Variants in ATP6V1B2 observed in about 807,000 individuals in gnomAD.
ATP6V1B2 encodes the protein V-type proton ATPase subunit B, brain isoform.
A neutral mutation model predicts 66.7 loss-of-function variants in ATP6V1B2; 23 were observed. The observed-to-expected ratio is 0.34, with a 90% CI of 0.25 to 0.49. The LOEUF is 0.49. Ranked by LOEUF, ATP6V1B2 falls within the 20% of genes least tolerant of loss-of-function variation. The pLI is 0.99. For missense variants in ATP6V1B2, 478 were observed against 650.8 expected, an observed-to-expected ratio of 0.73 and a Z score of 2.89; for synonymous variants, 278 against 236.7, an observed-to-expected ratio of 1.17 and a Z score of -1.60.
chr8:20,212,155 A>C lies in ATP6V1B2; in HGVS notation c.759A>C (p.Ser253=). ...AATCTGACTTTGAAGAAAATGGCTC[A>C]ATGGACAATGTCTGCCTCTTTTTGA... ...FFKSDFEENG[S]MDNVCLFLNL... Residue 253 remains serine, a synonymous_variant, in exon 8 of 14, where the codon TCA becomes TCC. Coordinates refer to ENST00000276390, the MANE Select transcript of ATP6V1B2 (RefSeq NM_001693.4). The C allele has an allele frequency of 6.2e-7, 1 of 1,613,714 alleles. No homozygotes were observed. The highest frequency in any genetic ancestry group is 8.5e-7 in the Non-Finnish European group (1 of 1,179,788).
Position 20,210,444 on chromosome 8 carries a change from A to G in ATP6V1B2, c.385+5A>G. ...CGGTGTCTGAGGATATGCTTGGTAA[A>G]TGGATATTATTCATTCTAAGCCGAG... On this transcript the variant is annotated splice_donor_5th_base_variant and intron_variant, in intron 4 of 13. Coordinates refer to ENST00000276390, the MANE Select transcript of ATP6V1B2 (RefSeq NM_001693.4). The G allele has an allele frequency of 6.2e-7, 1 of 1,612,376 alleles. No homozygotes were observed. Among genetic ancestry groups the G allele is most frequent in the South Asian group, 1.1e-5 (1 of 91,050 alleles).
chr8:20,213,086 A>T, intron 9 of ATP6V1B2, 181 bp downstream of exon 9: 6 of 719,608 alleles, frequency 8.3e-6, no homozygotes, highest in Non-Finnish European at 1.3e-5. Flanking sequence ...AGAAGTGATT[A>T]GAGGTTAAGA....
intron 9 of ATP6V1B2, chr8:20,213,667 A>G (rs1051262517): frequency 1.3e-5 from 2 of 152,110 alleles, no homozygotes; most frequent in Non-Finnish European, 2.9e-5. Flanking sequence ...AAAGATTATA[A>G]CAGTTACCCC....
chr8:20,198,602 G>A (rs2072652549), intron 1 of ATP6V1B2, among the ~76,000 whole-genome samples: 1 of 152,148 alleles, frequency 6.6e-6, no homozygotes, highest in African/African-American at 2.4e-5. Context: ...GTTTCCCCAG[G>A]TGGTGAGACT....
intron 1 of ATP6V1B2, among the ~76,000 whole-genome samples, chr8:20,203,214 G>A (rs1486996805): frequency 1.3e-5 from 2 of 152,116 alleles, no homozygotes; most frequent in African/African-American, 4.8e-5. Flanking sequence ...TTCAGTTGGG[G>A]GGCCTCTATT....
intron 2 of ATP6V1B2, among the ~76,000 whole-genome samples, chr8:20,209,143 A>T (rs1023746437): frequency 6.6e-6 from 1 of 152,188 alleles, no homozygotes; most frequent in South Asian, 2.1e-4. Context: ...TAGCCTCAAA[A>T]CTATAAAATA....
At position 20,207,721 on chromosome 8, in the gene ATP6V1B2, TA is replaced by T. The variant is rs922264492; in HGVS notation, c.193-1700del. ...CACATGTATCCTAAAACTTAAAGTA[TA>T]AAAAAAAAAAAGTGTTAAAACTTTT... On this transcript the variant is annotated intron_variant, in intron 2 of 13. Transcript: ENST00000276390. Among the ~76,000 whole-genome samples the T allele has an allele frequency of 2.3e-3, 298 of 129,806 alleles. 1 individual carries two copies. The highest frequency in any genetic ancestry group is 3.2e-3 in the African/African-American group (112 of 35,222). 85.2% of individuals were successfully genotyped at this position (129,806 alleles called of 152,430 possible).
intron 1 of ATP6V1B2, among the ~76,000 whole-genome samples, chr8:20,197,950 G>T (rs899968054): frequency 1.2e-4 from 19 of 152,224 alleles, no homozygotes; most frequent in African/African-American, 4.6e-4. Context: ...TCCCCCTGGT[G>T]AGGACCTCAA....
At chr8:20,214,227 A>G (rs1211148095) in intron 9 of ATP6V1B2, 2 of 152,250 alleles carry the variant, frequency 1.3e-5, no homozygotes, top group Non-Finnish European at 2.9e-5. Context: ...TAAGGGAAAG[A>G]TCGTTTATCA....
intron 4 of ATP6V1B2, 35 bp downstream of exon 4, chr8:20,210,474 G>C (rs1358909346): frequency 1.9e-6 from 3 of 1,608,450 alleles, no homozygotes; most frequent in Middle Eastern, 1.6e-4. Flanking sequence ...GCCGAGATCT[G>C]TTTCCTTTTA....
chr8:20,208,983 A>G (rs987233595), intron 2 of ATP6V1B2, among the ~76,000 whole-genome samples: 2 of 152,140 alleles, frequency 1.3e-5, no homozygotes, highest in Non-Finnish European at 2.9e-5. Flanking sequence ...TGCTGGGATT[A>G]CAGGTGTGAG....
At chr8:20,210,752 A>G (rs1418770697) in intron 5 of ATP6V1B2, 106 bp downstream of exon 5, 13 of 793,176 alleles carry the variant, frequency 1.6e-5, no homozygotes, top group Non-Finnish European at 2.3e-5. Flanking sequence ...TAAAGTAGAT[A>G]GGCAACACGC....
At chr8:20,203,973 C>T (rs1329406584) in intron 1 of ATP6V1B2, 5 of 455,750 alleles carry the variant, frequency 1.1e-5, no homozygotes, top group South Asian at 7.8e-5. Context: ...TACAATTTCT[C>T]CAATTTCCTT....
At chr8:20,203,658 G>A (rs1158068967) in intron 1 of ATP6V1B2, among the ~76,000 whole-genome samples, 1 of 152,018 alleles carries the variant, frequency 6.6e-6, no homozygotes, top group East Asian at 1.9e-4. Flanking sequence ...GTGTCTGGTA[G>A]AATTACTCTC....
At chr8:20,215,086 T>G (rs2072839800) in intron 10 of ATP6V1B2, 118 bp downstream of exon 10, 2 of 1,140,588 alleles carry the variant, frequency 1.8e-6, no homozygotes, top group Non-Finnish European at 2.4e-6. Flanking sequence ...TTATCTTGGT[T>G]ATTTGCCTAA....
At chr8:20,210,705 C>A in intron 5 of ATP6V1B2, 59 bp downstream of exon 5, 1 of 1,473,264 alleles carries the variant, frequency 6.8e-7, no homozygotes, top group East Asian at 2.3e-5. Context: ...CTGTCTTGTA[C>A]CTTTGCCAGA....
Position 20,218,424 on chromosome 8 carries a change from AACCCTCTGGCTTCTCCTCTGC to A in ATP6V1B2, c.1396+143_1396+163del, listed in dbSNP as rs1585255202. 7 of 1,130,778 alleles carry A rather than the reference AACCCTCTGGCTTCTCCTCTGC, an allele frequency of 6.2e-6. No homozygotes were observed. In the East Asian group the frequency reaches 2.0e-4, roughly 32 times the overall value. The allele number at this position is 1,130,778 out of a possible 1,614,324, so 70.0% of individuals were successfully genotyped here. A position where few individuals can be genotyped will look rare whatever the true frequency, so the allele number is the denominator to read the frequency against. ...AGAGGCTCTGTCACCTGCCTGCCTT[AACCCTCTGGCTTCTCCTCTGC>A]CTTCTAAACATCTTGGGAGATCTTG... On this transcript the variant is annotated intron_variant, in intron 13 of 13. Transcript: ENST00000276390.
rs1008092289 is a variant in ATP6V1B2 at position 20,200,244 on chromosome 8, C to T, written c.136+2702C>T. Among the ~76,000 whole-genome samples the T allele has an allele frequency of 2.0e-5, 3 of 151,940 alleles. 1 individual carries two copies. Among genetic ancestry groups the T allele is most frequent in the African/African-American group, 7.3e-5 (3 of 41,300 alleles). On this transcript the variant is annotated intron_variant, in intron 1 of 13. Coordinates refer to ENST00000276390, the MANE Select transcript of ATP6V1B2 (RefSeq NM_001693.4). ...TGTTGCCCAGGCTGGTCTACAACTC[C>T]TGAGCTCAAGAGATCCGCCCGCCAT...
At chr8:20,203,348 CCAG>C (rs1242656561) in intron 1 of ATP6V1B2, among the ~76,000 whole-genome samples, 2 of 152,198 alleles carry the variant, frequency 1.3e-5, no homozygotes, top group Non-Finnish European at 2.9e-5. Context: ...AGCATTTTTA[CCAG>C]GGCTCTGGCT....
Sources: gnomAD v4.1 joint callset for allele counts (sites outside exome capture counted in the v4.1 genomes callset) on GRCh38, gnomAD v4.1.1 for gene constraint, MANE v1.5 for transcripts, NCBI Gene and HGNC (gene_info 2026-07-23, HGNC 2026-07-21) for gene names.